FRMPD4: variants seen among roughly 807,000 people sequenced by gnomAD.
The protein encoded by FRMPD4 is FERM and PDZ domain-containing protein 4.
In FRMPD4, 22 loss-of-function variants were observed where a neutral mutation model predicts 94.1. The observed-to-expected ratio is 0.23, with a 90% CI of 0.17 to 0.33. The LOEUF (loss-of-function observed/expected upper bound fraction) is 0.33, where lower values mean the gene tolerates loss of function less well. Ranked by LOEUF, FRMPD4 falls within the 10% of genes least tolerant of loss-of-function variation. The probability of loss-of-function intolerance (pLI) is 1.00; values close to 1 mark genes in which losing one functional copy is unlikely to be tolerated. For synonymous variants in FRMPD4, 631 were observed against 548.6 expected, an observed-to-expected ratio of 1.15 and a Z score of -2.10; for missense variants, 1,111 against 1,339.9, an observed-to-expected ratio of 0.83 and a Z score of 2.67.
chrX:12,025,874 C>A (rs1424748639), intron 3 of FRMPD4, among the ~76,000 whole-genome samples: 2 of 112,075 alleles, frequency 1.8e-5, no homozygotes, highest in African/African-American at 6.5e-5. Context: ...TTGTGAGAAA[C>A]CCTGAGCCAG....
chrX:11,934,925 T>C (rs1394975308), intron 3 of FRMPD4, among the ~76,000 whole-genome samples: 3 of 111,916 alleles, frequency 2.7e-5, no homozygotes, highest in Non-Finnish European at 5.6e-5. Flanking sequence ...CACCATATTA[T>C]GTGAACAGCA....
At chrX:11,871,943 C>T (rs1387343722) in intron 2 of FRMPD4, among the ~76,000 whole-genome samples, 1 of 112,125 alleles carries the variant, frequency 8.9e-6, no homozygotes, top group Non-Finnish European at 1.9e-5. Context: ...AGACATTATT[C>T]ATTTCCCTAT....
Position 12,609,799 on chromosome X carries a change from G to A in FRMPD4, c.237G>A (p.Val79=). The A allele has an allele frequency of 8.3e-7, 1 of 1,210,119 alleles. No individual in the cohort carries two copies. Among genetic ancestry groups the A allele is most frequent in the Non-Finnish European group, 1.1e-6 (1 of 893,942 alleles). Residue 79 remains valine (V), a synonymous_variant, in exon 3 of 17, where the codon GTG becomes GTA. Transcript: ENST00000675598. The part of the protein sequence containing the change: ...CQIIPPAPRK[V]EMRRDPVLGF... ...TCATCCCTCCGGCTCCTCGGAAGGT[G>A]GAGATGAGAAGGGACCCCGTGCTGG...
At chrX:12,428,433 G>A (rs1239908964) in intron 1 of FRMPD4, among the ~76,000 whole-genome samples, 1 of 111,359 alleles carries the variant, frequency 9.0e-6, no homozygotes, top group Non-Finnish European at 1.9e-5. Context: ...CCAGAAAATT[G>A]ATCAGTTTAT....
chrX:12,588,763 G>A (rs762351533), intron 2 of FRMPD4, among the ~76,000 whole-genome samples: 2 of 112,416 alleles, frequency 1.8e-5, no homozygotes, highest in East Asian at 5.5e-4. Flanking sequence ...TAAAACATCA[G>A]TTGCTTATCA....
intron 1 of FRMPD4, among the ~76,000 whole-genome samples, chrX:12,336,561 C>T (rs1214262079): frequency 9.0e-6 from 1 of 111,266 alleles, no homozygotes; most frequent in Non-Finnish European, 1.9e-5. Context: ...GTACCTGGTA[C>T]ACTGCTGATT....
intron 4 of FRMPD4, among the ~76,000 whole-genome samples, chrX:12,662,508 A>G (rs1442348833): frequency 8.9e-6 from 1 of 111,739 alleles, no homozygotes; most frequent in Non-Finnish European, 1.9e-5. Flanking sequence ...AGCTTCATCC[A>G]TGTCCCTGCA....
At chrX:12,418,507 T>C (rs1286159704) in intron 1 of FRMPD4, among the ~76,000 whole-genome samples, 1 of 108,657 alleles carries the variant, frequency 9.2e-6, no homozygotes, top group African/African-American at 3.4e-5. Context: ...TACAGGCGCG[T>C]GCCACCAATG....
chrX:11,892,681 T>A (rs887264934), intron 3 of FRMPD4, among the ~76,000 whole-genome samples: 1 of 112,387 alleles, frequency 8.9e-6, no homozygotes, highest in Non-Finnish European at 1.9e-5. Flanking sequence ...ATGAAAGAAG[T>A]CTAATCTCCC....
At chrX:12,478,090 T>G (rs1321090519) in intron 1 of FRMPD4, among the ~76,000 whole-genome samples, 2 of 112,266 alleles carry the variant, frequency 1.8e-5, no homozygotes, top group Admixed American at 9.4e-5. Flanking sequence ...AGTGGAAACA[T>G]GCTGGCAACA....
chrX:12,065,032 A>G (rs2054910438), intron 3 of FRMPD4, among the ~76,000 whole-genome samples: 1 of 112,117 alleles, frequency 8.9e-6, no homozygotes, highest in African/African-American at 3.2e-5. Context: ...AAGGCAATTA[A>G]CATAAAAATA....
At chrX:12,041,656 G>A (rs1214300325) in intron 3 of FRMPD4, among the ~76,000 whole-genome samples, 1 of 103,359 alleles carries the variant, frequency 9.7e-6, no homozygotes, top group Non-Finnish European at 2.0e-5. Context: ...TCTTACTTGG[G>A]GCTGATTGAG....
At chrX:11,864,706 C>T (rs184701382) in intron 1 of FRMPD4, among the ~76,000 whole-genome samples, 18 of 111,505 alleles carry the variant, frequency 1.6e-4, no homozygotes, top group African/African-American at 5.2e-4. Flanking sequence ...AACAAAGATG[C>T]CTTCCAAAAT....
intron 1 of FRMPD4, among the ~76,000 whole-genome samples, chrX:12,439,843 T>C (rs1431096914): frequency 9.0e-6 from 1 of 111,488 alleles, no homozygotes; most frequent in Non-Finnish European, 1.9e-5. Flanking sequence ...AAATGGTTGT[T>C]AACCGTTGGA....
At chrX:12,023,352 A>G (rs1052595163) in intron 3 of FRMPD4, among the ~76,000 whole-genome samples, 5 of 111,385 alleles carry the variant, frequency 4.5e-5, no homozygotes, top group Admixed American at 3.8e-4. Flanking sequence ...GAGACCCAAG[A>G]AGTTCAGACC....
intron 1 of FRMPD4, among the ~76,000 whole-genome samples, chrX:12,365,113 G>T (rs1050080446): frequency 2.7e-5 from 3 of 112,589 alleles, no homozygotes; most frequent in Non-Finnish European, 3.8e-5. Flanking sequence ...CAAGGGGGTA[G>T]ATGGGAAGCA....
rs752976625 is a variant in FRMPD4, at chrX:12,053,359, G to GA, written c.95+175343dup. On this transcript the variant is annotated intron_variant, in intron 3 of 18. Coordinates refer to the FRMPD4 transcript ENST00000640291. ...GAAAGAAAGAAAGAAAGGAAAGAAA[G>GA]AAGAAAGAAAGAAAGAAAGAAAGAA... is the stretch of plus-strand genomic sequence containing the variant. Among the ~76,000 whole-genome samples the GA allele has an allele frequency of 6.6e-4, 34 of 51,432 alleles. 1 individual carries two copies. The highest frequency in any genetic ancestry group is 2.3e-3 in the African/African-American group (30 of 13,200). 44.7% of individuals were successfully genotyped at this position (51,432 alleles called of 115,157 possible). A position where few individuals can be genotyped will look rare whatever the true frequency, so the allele number is the denominator to read the frequency against.
chrX:12,472,508 T>G (rs909214484), intron 1 of FRMPD4, among the ~76,000 whole-genome samples: 1 of 111,549 alleles, frequency 9.0e-6, no homozygotes, highest in Admixed American at 9.6e-5. Flanking sequence ...TGGGGTTTTC[T>G]CTCACAGAAT....
chrX:12,490,056 A>G (rs1330547213), intron 1 of FRMPD4, among the ~76,000 whole-genome samples: 1 of 111,632 alleles, frequency 9.0e-6, no homozygotes, highest in Non-Finnish European at 1.9e-5. Flanking sequence ...ATGTAATGTC[A>G]TGAGGGCACT....
Sources: allele counts gnomAD v4.1 joint callset (sites outside exome capture counted in the v4.1 genomes callset), GRCh38; gene constraint gnomAD v4.1.1; transcripts MANE v1.5; gene names NCBI Gene and HGNC (gene_info 2026-07-23, HGNC 2026-07-21).